The following PTK2 variants were observed in gnomAD, a reference collection of about 807,000 sequenced individuals.
The protein encoded by PTK2 is focal adhesion kinase 1.
A neutral mutation model predicts 150.1 loss-of-function variants in PTK2; 45 were observed. The ratio of observed to expected loss-of-function variants is 0.30; its 90% CI spans 0.24 to 0.38. PTK2 has a LOEUF of 0.38. Among genes scored for constraint, PTK2 ranks in the 10% least tolerant of loss-of-function variants. The pLI is 1.00. For synonymous variants in PTK2, 432 were observed against 449.2 expected (o/e 0.96, Z 0.48); for missense variants, 919 against 1,307.3 (o/e 0.70, Z 4.58).
At chr8:140,996,289 C>T (rs538946499) in intron 1 of PTK2, among the ~76,000 whole-genome samples, 11 of 152,036 alleles carry the variant, frequency 7.2e-5, no homozygotes, top group Non-Finnish European at 1.0e-4. Context: ...GAGGTTGGTT[C>T]GTGAGGTGGA....
intron 2 of PTK2, among the ~76,000 whole-genome samples, chr8:140,895,513 C>T (rs13258420): frequency 2.0e-5 from 3 of 148,916 alleles, no homozygotes; most frequent in African/African-American, 7.5e-5. Context: ...CAGAGCACAA[C>T]CCTGTCTCCT....
chr8:140,770,854 C>A, intron 14 of PTK2, 55 bp from the exon 15 acceptor site: 1 of 893,280 alleles, frequency 1.1e-6, no homozygotes, highest in Non-Finnish European at 1.5e-6. Flanking sequence ...TATTTCAATA[C>A]AAAAGACAAC....
chr8:140,856,847 C>A (rs940961176), intron 5 of PTK2, among the ~76,000 whole-genome samples: 2 of 152,134 alleles, frequency 1.3e-5, no homozygotes, highest in African/African-American at 4.8e-5. Flanking sequence ...TGTGCTGACA[C>A]TTGAAACTTA....
At chr8:140,952,883 T>C (rs1364767381) in intron 1 of PTK2, among the ~76,000 whole-genome samples, 1 of 152,178 alleles carries the variant, frequency 6.6e-6, no homozygotes, top group South Asian at 2.1e-4. Context: ...TTACAAGTAA[T>C]ATAATCTCTC....
chr8:140,907,302 T>C (rs2100161326), intron 2 of PTK2, among the ~76,000 whole-genome samples: 1 of 152,206 alleles, frequency 6.6e-6, no homozygotes, highest in Admixed American at 6.5e-5. Flanking sequence ...TTTCATACTT[T>C]TTCAGATTTT....
intron 1 of PTK2, among the ~76,000 whole-genome samples, chr8:140,967,704 C>A (rs950234871): frequency 8.6e-5 from 13 of 151,992 alleles, no homozygotes; most frequent in Admixed American, 8.5e-4. Context: ...GTGATCTGCC[C>A]GCCTCGGCCT....
At chr8:140,746,092 G>T (rs370260082) in intron 18 of PTK2, among the ~76,000 whole-genome samples, 3 of 152,054 alleles carry the variant, frequency 2.0e-5, no homozygotes, top group Admixed American at 6.6e-5. Flanking sequence ...AACACTTTGC[G>T]AGGCCGAGGC....
At chr8:140,911,573 A>G (rs569224092) in intron 2 of PTK2, among the ~76,000 whole-genome samples, 7 of 152,316 alleles carry the variant, frequency 4.6e-5, no homozygotes, top group Admixed American at 1.3e-4. Context: ...TGAACAGCTC[A>G]ATGACTTTTA....
At chr8:140,779,023 G>A (rs1366927197) in intron 14 of PTK2, among the ~76,000 whole-genome samples, 2 of 152,116 alleles carry the variant, frequency 1.3e-5, no homozygotes, top group East Asian at 3.9e-4. Context: ...CACTTTGGGA[G>A]GCCAAGGAGG....
intron 2 of PTK2, among the ~76,000 whole-genome samples, chr8:140,895,120 G>A (rs1206597830): frequency 1.3e-5 from 2 of 152,182 alleles, no homozygotes; most frequent in African/African-American, 2.4e-5. Flanking sequence ...ATTAAGCAAT[G>A]TATTTCAACT....
At chr8:140,860,565 C>T (rs375504613) in intron 5 of PTK2, among the ~76,000 whole-genome samples, 3 of 152,164 alleles carry the variant, frequency 2.0e-5, no homozygotes, top group African/African-American at 4.8e-5. Flanking sequence ...ACCTTTGCCT[C>T]CTGGATTCAA....
chr8:140,823,556 A>T (rs1362758972), intron 8 of PTK2, among the ~76,000 whole-genome samples: 1 of 151,996 alleles, frequency 6.6e-6, no homozygotes, highest in Non-Finnish European at 1.5e-5. Flanking sequence ...ACCTGCCACT[A>T]AGAGCACTGA....
intron 17 of PTK2, among the ~76,000 whole-genome samples, chr8:140,750,653 G>A (rs769992660): frequency 1.9e-4 from 29 of 152,344 alleles, no homozygotes; most frequent in East Asian, 9.6e-4. Context: ...GGCAGGTAAG[G>A]AAGAGCTTGA....
chr8:140,713,966 G>A (rs1020977783), intron 23 of PTK2, among the ~76,000 whole-genome samples: 1 of 152,060 alleles, frequency 6.6e-6, no homozygotes, highest in African/African-American at 2.4e-5. Flanking sequence ...GACTCTCCAT[G>A]CAGCCTAGAC....
chr8:140,885,876 T>G (rs1456514792), intron 3 of PTK2, among the ~76,000 whole-genome samples: 4 of 151,910 alleles, frequency 2.6e-5, no homozygotes, highest in Non-Finnish European at 4.4e-5. Flanking sequence ...TGAAACCGGG[T>G]TCTGAGTGGA....
intron 1 of PTK2, among the ~76,000 whole-genome samples, chr8:140,939,969 T>A (rs1250065044): frequency 1.3e-5 from 2 of 151,990 alleles, no homozygotes; most frequent in Admixed American, 6.6e-5. Context: ...TGGGGAAAAA[T>A]GAACAGAAGA....
chr8:140,865,702 A>G (rs1327369140), intron 4 of PTK2, among the ~76,000 whole-genome samples: 1 of 152,216 alleles, frequency 6.6e-6, no homozygotes, highest in Non-Finnish European at 1.5e-5. Flanking sequence ...GATATTCTAC[A>G]TTGGGTTATT....
At chr8:140,869,083 A>C in intron 4 of PTK2, among the ~76,000 whole-genome samples, 1 of 151,918 alleles carries the variant, frequency 6.6e-6, no homozygotes. Flanking sequence ...TACAAGACTG[A>C]CCCTTTTGTA....
At chr8:140,709,417 C>T (rs2100035557) in intron 23 of PTK2, among the ~76,000 whole-genome samples, 1 of 152,188 alleles carries the variant, frequency 6.6e-6, no homozygotes, top group Non-Finnish European at 1.5e-5. Context: ...TCAAATGTTG[C>T]TAACCAACAG....
Sources: gnomAD v4.1 joint callset for allele counts (sites outside exome capture counted in the v4.1 genomes callset) on GRCh38, gnomAD v4.1.1 for gene constraint, MANE v1.5 for transcripts, NCBI Gene and HGNC (gene_info 2026-07-23, HGNC 2026-07-21) for gene names.